Variants in NARS2 observed in about 807,000 individuals in gnomAD.
NARS2 encodes the protein asparaginyl-tRNA synthetase.
In NARS2, 60 loss-of-function variants were observed where a neutral mutation model predicts 62.9. The observed-to-expected ratio is 0.95, with a 90% CI of 0.77 to 1.18. NARS2 has a LOEUF of 1.18. Ranked by LOEUF, NARS2 falls within the 50% of genes most tolerant of loss-of-function variation. The pLI is 0.00. For synonymous variants in NARS2, 196 were observed against 200.0 expected (o/e 0.98, Z 0.17); for missense variants, 619 against 576.4 (o/e 1.07, Z -0.76).
chr11:78,505,008 GT>G (rs1860433091), intron 6 of NARS2, among the ~76,000 whole-genome samples: 1 of 151,360 alleles, frequency 6.6e-6, no homozygotes, highest in Admixed American at 6.6e-5. Flanking sequence ...TGTTTCCGTG[GT>G]TTCTATAATT....
chr11:78,483,850 C>G (rs1859459857), intron 7 of NARS2, among the ~76,000 whole-genome samples: 1 of 152,186 alleles, frequency 6.6e-6, no homozygotes. Flanking sequence ...CTATTCCCAT[C>G]AAGCTACCAC....
intron 6 of NARS2, among the ~76,000 whole-genome samples, chr11:78,518,084 T>C (rs951235295): frequency 6.6e-6 from 1 of 152,132 alleles, no homozygotes. Context: ...TCAACCGACT[T>C]TGGATTGAAA....
chr11:78,497,452 A>T (rs1366771053), intron 6 of NARS2, among the ~76,000 whole-genome samples: 2 of 152,132 alleles, frequency 1.3e-5, no homozygotes, highest in Non-Finnish European at 2.9e-5. Flanking sequence ...GAACTTATTC[A>T]GCATAAGACT....
chr11:78,450,565 T>A (rs113835239), intron 11 of NARS2, among the ~76,000 whole-genome samples: 7,153 of 152,210 alleles, frequency 0.047, 243 homozygotes, highest in Non-Finnish European at 0.073. Flanking sequence ...GAGCAAAGCA[T>A]TCCTTTACAA....
At chr11:78,503,421 A>G (rs939529985) in intron 6 of NARS2, among the ~76,000 whole-genome samples, 2 of 151,860 alleles carry the variant, frequency 1.3e-5, no homozygotes, top group African/African-American at 4.8e-5. Flanking sequence ...TATTTTTAGT[A>G]GAGGCGGGGC....
chr11:78,511,234 C>A (rs770767238), intron 6 of NARS2, among the ~76,000 whole-genome samples: 3 of 152,168 alleles, frequency 2.0e-5, no homozygotes, highest in Admixed American at 6.5e-5. Context: ...TGTGCCACCA[C>A]GCTCAGCTAA....
intron 11 of NARS2, among the ~76,000 whole-genome samples, chr11:78,465,123 G>A (rs563434079): frequency 2.6e-5 from 4 of 152,218 alleles, no homozygotes; most frequent in Non-Finnish European, 4.4e-5. Context: ...CCCACGGGAA[G>A]GCAGCTAAGG....
chr11:78,574,219 A>T, intron 1 of NARS2, 129 bp downstream of exon 1: 1 of 1,143,790 alleles, frequency 8.7e-7, no homozygotes, highest in Non-Finnish European at 1.3e-6. Context: ...CAAACCCGCG[A>T]CGCCTACACT....
intron 5 of NARS2, among the ~76,000 whole-genome samples, chr11:78,553,644 T>C (rs1856215491): frequency 6.6e-6 from 1 of 152,176 alleles, no homozygotes. Context: ...TCCTTATAGA[T>C]CCTGGATATT....
chr11:78,558,962 T>C (rs1210682403), intron 5 of NARS2, among the ~76,000 whole-genome samples: 1 of 152,124 alleles, frequency 6.6e-6, no homozygotes, highest in Non-Finnish European at 1.5e-5. Flanking sequence ...ATCTCTCTAG[T>C]TCAGCAATTC....
chr11:78,510,948 A>T (rs1422528918), intron 6 of NARS2, among the ~76,000 whole-genome samples: 1 of 152,244 alleles, frequency 6.6e-6, no homozygotes, highest in Admixed American at 6.5e-5. Flanking sequence ...TTCTAAAAAA[A>T]CGAAAATCTA....
At chr11:78,505,331 T>C (rs976799079) in intron 6 of NARS2, among the ~76,000 whole-genome samples, 46 of 150,628 alleles carry the variant, frequency 3.1e-4, no homozygotes, top group Admixed American at 2.0e-3. Flanking sequence ...CACATACGTA[T>C]GTATATATCT....
intron 6 of NARS2, among the ~76,000 whole-genome samples, chr11:78,521,753 G>GCAC (rs1861132909): frequency 7.9e-6 from 1 of 127,052 alleles, no homozygotes; most frequent in African/African-American, 3.2e-5. Context: ...TCCCGCCACT[G>GCAC]CACTCCAGCC....
chr11:78,440,972 A>G, intron 13 of NARS2, 119 bp downstream of exon 13: 1 of 855,190 alleles, frequency 1.2e-6, no homozygotes, highest in South Asian at 1.7e-5. Flanking sequence ...ACCTAAGAAC[A>G]GTTAAGTTCA....
intron 9 of NARS2, among the ~76,000 whole-genome samples, chr11:78,477,569 T>C (rs1859155056): frequency 1.3e-5 from 2 of 152,216 alleles, no homozygotes. Context: ...TAATTTTGTG[T>C]CAACTTGGCT....
intron 5 of NARS2, among the ~76,000 whole-genome samples, chr11:78,551,658 C>T (rs1856120359): frequency 1.3e-5 from 2 of 152,036 alleles, no homozygotes; most frequent in African/African-American, 4.8e-5. Flanking sequence ...TGAGACCAGC[C>T]TGGTCAAGAT....
intron 6 of NARS2, among the ~76,000 whole-genome samples, chr11:78,526,733 C>T (rs1021948337): frequency 6.6e-6 from 1 of 152,040 alleles, no homozygotes; most frequent in Non-Finnish European, 1.5e-5. Context: ...ATATTTAATA[C>T]ACTAGTGGTA....
chr11:78,438,646 T>C lies in NARS2; in HGVS notation c.1290-1832A>G, dbSNP rs564672236. 6.6e-5 allele frequency among the ~76,000 whole-genome samples: 10 copies of C among 152,352 alleles called. No homozygotes were observed. The East Asian group carries it at 1.5e-3, about 24-fold the overall frequency. ...CATTTCTAAGAAAAAAATTTTCTAATGTATATGTATTTGTTTGATTGTTGT... is the reference window on the plus strand; with the variant it reads ...CATTTCTAAGAAAAAAATTTTCTAACGTATATGTATTTGTTTGATTGTTGT... On this transcript the variant is annotated intron_variant, in intron 13 of 13. Coordinates refer to ENST00000281038, the MANE Select transcript of NARS2 (RefSeq NM_024678.6).
chr11:78,536,486 C>G (rs926929738), intron 5 of NARS2, among the ~76,000 whole-genome samples: 3 of 151,854 alleles, frequency 2.0e-5, no homozygotes, highest in Admixed American at 1.3e-4. Context: ...ATGCTGCCCC[C>G]GTATAGGCCT....
Sources: allele counts gnomAD v4.1 joint callset (sites outside exome capture counted in the v4.1 genomes callset), GRCh38; gene constraint gnomAD v4.1.1; transcripts MANE v1.5; gene names NCBI Gene and HGNC (gene_info 2026-07-23, HGNC 2026-07-21).